Variants in GLYR1 observed in about 807,000 individuals in gnomAD.
GLYR1 encodes glyoxylate reductase 1 homolog.
Under a neutral mutation model 72.7 loss-of-function variants are expected in GLYR1, and 21 were observed. The ratio of observed to expected loss-of-function variants is 0.29; its 90% CI spans 0.20 to 0.42. The LOEUF is 0.42. GLYR1 is among the 10% of genes least tolerant of loss of function. The pLI is 1.00. For missense variants in GLYR1, 594 were observed against 712.1 expected (o/e 0.83, Z 1.89); for synonymous variants, 392 against 270.2 (o/e 1.45, Z -4.42).
rs780924000 is a variant in GLYR1, at chr16:4,811,694, G to A, written c.1391C>T (p.Ser464Phe). 6.2e-7 allele frequency: 1 copy of A among 1,614,100 alleles called. No individual in the cohort carries two copies. The highest frequency in any genetic ancestry group is 8.5e-7 in the Non-Finnish European group (1 of 1,180,042). The change falls in exon 14 of 16, where the codon TCC becomes TTC. Residue 464 changes from serine to phenylalanine, a missense_variant. This residue lies in a region of GLYR1 where 266 missense variants were observed against 358.4 expected (regional missense o/e 0.74). Coordinates refer to ENST00000321919, the MANE Select transcript of GLYR1 (RefSeq NM_032569.4). ...GAGGATGTCCAAGAGTGTCTGCTGG[G>A]ACTGGCCTGTCACCTGGGCCAGGGT... ...GLTLAQVTGQ[S>F]QQTLLDILNQ...
chr16:4,839,133 A>C (rs1046226309), intron 3 of GLYR1: 4 of 152,862 alleles, frequency 2.6e-5, no homozygotes, highest in Non-Finnish European at 5.8e-5. Flanking sequence ...AAAAGGAGAA[A>C]GGGCGGGGAG....
At chr16:4,811,533 G>T in intron 14 of GLYR1, 90 bp downstream of exon 14, 1 of 1,483,652 alleles carries the variant, frequency 6.7e-7, no homozygotes, top group Non-Finnish European at 9.3e-7. Flanking sequence ...TGACTGGGGA[G>T]GGGCATCTTT....
rs751901774 is a variant in GLYR1 at position 4,845,172 on chromosome 16, G to T, written c.76-19C>A. 8 of 1,600,090 alleles carry T rather than the reference G, an allele frequency of 5.0e-6. No homozygotes were observed. Among genetic ancestry groups the T allele is most frequent in the Non-Finnish European group, 6.9e-6 (8 of 1,167,492 alleles). Reference sequence around the variant, plus strand: ...TAACAATCTGGAGGATAAAAGGGGGGAAAAAGGTTGGCTGGCAACACAGCA... The same window carrying T: ...TAACAATCTGGAGGATAAAAGGGGGTAAAAAGGTTGGCTGGCAACACAGCA... On this transcript the variant is annotated intron_variant, in intron 2 of 15. Coordinates refer to ENST00000321919, the MANE Select transcript of GLYR1 (RefSeq NM_032569.4).
chr16:4,813,620 C>G, intron 12 of GLYR1, 117 bp downstream of exon 12: 2 of 874,860 alleles, frequency 2.3e-6, no homozygotes, highest in African/African-American at 1.7e-5. Flanking sequence ...CTACTCGCCT[C>G]TCCTCTTCCC....
At chr16:4,808,888 C>A (rs1004854858) in intron 15 of GLYR1, among the ~76,000 whole-genome samples, 1 of 151,952 alleles carries the variant, frequency 6.6e-6, no homozygotes, top group Non-Finnish European at 1.5e-5. Flanking sequence ...ATTGCTTGAG[C>A]CTAGGAAGTC....
chr16:4,831,611 C>T (rs976087237), intron 5 of GLYR1, among the ~76,000 whole-genome samples: 4 of 152,222 alleles, frequency 2.6e-5, no homozygotes, highest in African/African-American at 7.2e-5. Flanking sequence ...TCCTGCCTCG[C>T]GCTCCTACTT....
chr16:4,832,559 C>T (rs772961338), intron 4 of GLYR1: 4 of 607,678 alleles, frequency 6.6e-6, no homozygotes, highest in Non-Finnish European at 1.1e-5. Context: ...TGGGTCCAAG[C>T]AATTTTCCTA....
At chr16:4,811,130 A>G in intron 15 of GLYR1, 40 bp downstream of exon 15, 1 of 1,573,226 alleles carries the variant, frequency 6.4e-7, no homozygotes, top group South Asian at 1.2e-5. Flanking sequence ...AAAGAAAAAG[A>G]AACTGAAGGG....
chr16:4,805,677 C>G lies in GLYR1; in HGVS notation c.1588-367G>C, dbSNP rs536181195. 1.1e-3 allele frequency among the ~76,000 whole-genome samples: 169 copies of G among 152,254 alleles called. 7 individuals carry two copies. In the South Asian group the frequency reaches 0.033, roughly 30 times the overall value. On this transcript the variant is annotated intron_variant, in intron 15 of 15. Transcript: ENST00000321919. Reference sequence around the variant, plus strand: ...CCAAAAAGGTGAAACCTCATCTCTACTAAAAATACAAAAATTAGGGCCAGG... The same window carrying G: ...CCAAAAAGGTGAAACCTCATCTCTAGTAAAAATACAAAAATTAGGGCCAGG...
At chr16:4,826,179 C>G (rs1443257412) in intron 5 of GLYR1, among the ~76,000 whole-genome samples, 1 of 152,176 alleles carries the variant, frequency 6.6e-6, no homozygotes, top group African/African-American at 2.4e-5. Context: ...TCCTGGGTAG[C>G]TGGGACTACA....
chr16:4,828,215 G>A (rs1288181038), intron 5 of GLYR1, among the ~76,000 whole-genome samples: 2 of 151,486 alleles, frequency 1.3e-5, no homozygotes, highest in African/African-American at 4.8e-5. Context: ...GACTATAGGC[G>A]CCCACCACCA....
chr16:4,828,132 T>A (rs191236937), intron 5 of GLYR1, among the ~76,000 whole-genome samples: 1 of 151,532 alleles, frequency 6.6e-6, no homozygotes. Flanking sequence ...TGCAGTGGCG[T>A]GATCTCGGCT....
intron 12 of GLYR1, among the ~76,000 whole-genome samples, chr16:4,813,470 G>A (rs186498766): frequency 1.7e-3 from 258 of 152,312 alleles, no homozygotes; most frequent in African/African-American, 5.9e-3. Flanking sequence ...CCAATGCCAG[G>A]CGGGCGGCCT....
At chr16:4,834,549 G>GCCTCCA (rs891824858) in intron 3 of GLYR1, among the ~76,000 whole-genome samples, 6 of 151,524 alleles carry the variant, frequency 4.0e-5, no homozygotes, top group Admixed American at 3.3e-4. Flanking sequence ...TGCGACCTCC[G>GCCTCCA]CCTCCACCTC....
chr16:4,804,864 A>AC lies in GLYR1; in HGVS notation c.*371_*372insG, dbSNP rs1399960633. The stretch of plus-strand genomic sequence containing the variant: ...GTTCCTTGACTGGAAGGGGTTTGAG[A>AC]TAAGACAAGCTCGGAAGAAAAAAAG... On this transcript the variant is annotated 3_prime_UTR_variant, in exon 16 of 16. Coordinates refer to ENST00000321919, the MANE Select transcript of GLYR1 (RefSeq NM_032569.4). The AC allele has an allele frequency of 3.9e-6, 1 of 256,934 alleles. No homozygotes were observed. The highest frequency in any genetic ancestry group is 7.8e-6 in the Non-Finnish European group (1 of 128,952). The allele number at this position is 256,934 out of a possible 1,614,324, so 15.9% of individuals were successfully genotyped here.
intron 1 of GLYR1, 67 bp from the exon 2 acceptor site, chr16:4,846,277 A>G: frequency 6.6e-7 from 1 of 1,522,676 alleles, no homozygotes; most frequent in Admixed American, 1.7e-5. Flanking sequence ...AACCCACTCA[A>G]TACGCAATTT....
intron 1 of GLYR1, chr16:4,846,977 C>T (rs1486353603): frequency 3.8e-6 from 2 of 526,066 alleles, no homozygotes; most frequent in Non-Finnish European, 6.7e-6. Context: ...TATCTGGGCC[C>T]CGAGTGCAGA....
intron 3 of GLYR1, among the ~76,000 whole-genome samples, chr16:4,833,638 T>G (rs1297357911): frequency 7.1e-6 from 1 of 141,424 alleles, no homozygotes; most frequent in Non-Finnish European, 1.5e-5. Flanking sequence ...TGTTTTATGA[T>G]GTCTCAAAAA....
chr16:4,832,380 G>A, intron 4 of GLYR1, 159 bp from the exon 5 acceptor site: 3 of 864,814 alleles, frequency 3.5e-6, no homozygotes, highest in East Asian at 2.7e-5. Context: ...ATTGGGAGAA[G>A]CAGATTTAAA....
Sources: gnomAD v4.1 joint callset for allele counts (sites outside exome capture counted in the v4.1 genomes callset) on GRCh38, gnomAD v4.1.1 for gene constraint, gnomAD v4.1.1 regional missense constraint, MANE v1.5 for transcripts, NCBI Gene and HGNC (gene_info 2026-07-23, HGNC 2026-07-21) for gene names.